The following NT5C1B variants were observed in gnomAD, a reference collection of about 807,000 sequenced individuals.
NT5C1B encodes 5'-nucleotidase, cytosolic IB.
In NT5C1B, 44 loss-of-function variants were observed where a neutral mutation model predicts 57.8. The ratio of observed to expected loss-of-function variants is 0.76; its 90% CI spans 0.60 to 0.98. NT5C1B has a LOEUF of 0.98. Ranked by LOEUF, NT5C1B falls within the 50% of genes least tolerant of loss-of-function variation. The probability of loss-of-function intolerance (pLI) is 0.00; values close to 1 mark genes in which losing one functional copy is unlikely to be tolerated. For missense variants in NT5C1B, 742 were observed against 719.5 expected, an observed-to-expected ratio of 1.03 and a Z score of -0.36; for synonymous variants, 284 against 282.6, an observed-to-expected ratio of 1.00 and a Z score of -0.05.
chr2:18,572,766 T>TAAAG (rs1308940078), intron 8 of NT5C1B, among the ~76,000 whole-genome samples: 1 of 151,970 alleles, frequency 6.6e-6, no homozygotes, highest in East Asian at 1.9e-4. Flanking sequence ...TAAAATTGCT[T>TAAAG]AAAGAAAGAA....
At chr2:18,586,557 A>G in intron 2 of NT5C1B, 166 bp from the exon 3 acceptor site, 2 of 1,082,206 alleles carry the variant, frequency 1.8e-6, no homozygotes, top group South Asian at 3.6e-5. Context: ...TACTATTCTA[A>G]CTCTGGTCTA....
exon 8 of NT5C1B, chr2:18,576,322 G>A (rs1558377072): frequency 6.2e-7 from 1 of 1,613,646 alleles, no homozygotes; most frequent in Non-Finnish European, 8.5e-7. Flanking sequence ...GAGTGTCACA[G>A]TAAGCCATGT....
At chr2:18,571,041 A>C (rs1055119788) in intron 8 of NT5C1B, among the ~76,000 whole-genome samples, 1 of 152,308 alleles carries the variant, frequency 6.6e-6, no homozygotes, top group African/African-American at 2.4e-5. Context: ...AGCTCCCTCA[A>C]CCTGACAAAA....
intron 8 of NT5C1B, among the ~76,000 whole-genome samples, chr2:18,575,126 A>G (rs1394656908): frequency 6.6e-6 from 1 of 152,040 alleles, no homozygotes. Context: ...GTTTTTGTTT[A>G]AGTGTTCTTT....
chr2:18,576,369 C>G lies in NT5C1B; in HGVS notation c.1145-1G>C. The G allele has an allele frequency of 1.2e-6, 2 of 1,610,746 alleles. No homozygotes were observed. The highest frequency in any genetic ancestry group is 2.2e-5 in the East Asian group (1 of 44,836). ...TCAAACATTGTCGCAGAGGCAATAC[C>G]TGATAGATCATGGAGACTGATTAAT... On this transcript the variant is annotated splice_acceptor_variant, in intron 7 of 8. Transcript: ENST00000304081. LOFTEE classifies it high-confidence loss of function.
At chr2:18,570,785 T>G (rs947585737) in intron 8 of NT5C1B, among the ~76,000 whole-genome samples, 1 of 152,100 alleles carries the variant, frequency 6.6e-6, no homozygotes, top group Non-Finnish European at 1.5e-5. Flanking sequence ...AATGAATAAA[T>G]AATACAAAAT....
rs752681908 is a variant in NT5C1B, at chr2:18,584,627, G to T, written c.610C>A (p.Leu204Met). The T allele has an allele frequency of 2.5e-6, 4 of 1,613,080 alleles. No homozygotes were observed. In the South Asian group the frequency reaches 4.4e-5, roughly 18 times the overall value. Residue 204 changes from leucine (L) to methionine (M), a missense_variant, in exon 4 of 9, where the codon CTG becomes ATG. Physicochemically the swap from Leu to Met is conservative, Grantham distance 15. Transcript: ENST00000304081. This position sits in a 1 kb window ranked among gnomAD's most constrained non-coding sequence, Gnocchi z 5.8. ...CGCTGCTGCTGCTGCTGCTCGGACA[G>T]AGAGTTGCGGTCCAGCTGGGTGGAG...
chr2:18,582,142 T>G (rs1490515161), intron 6 of NT5C1B, among the ~76,000 whole-genome samples: 1 of 152,208 alleles, frequency 6.6e-6, no homozygotes. Flanking sequence ...ACTGCACTTT[T>G]AAAAGGCAAA....
intron 5 of NT5C1B, 114 bp downstream of exon 5, chr2:18,583,974 T>C (rs1666421131): frequency 1.3e-6 from 2 of 1,586,536 alleles, no homozygotes; most frequent in Non-Finnish European, 1.7e-6. Flanking sequence ...GAGACAAGAA[T>C]GACAAGGGTG....
intron 8 of NT5C1B, among the ~76,000 whole-genome samples, chr2:18,572,617 T>G (rs1208364720): frequency 6.6e-6 from 1 of 151,902 alleles, no homozygotes; most frequent in Non-Finnish European, 1.5e-5. Context: ...AAAAACCCAA[T>G]AAAATAAGGA....
chr2:18,584,914 G>T lies in NT5C1B; in HGVS notation c.323C>A (p.Pro108Gln). The stretch of plus-strand genomic sequence containing the variant: ...CGAGGGCTGCCCGGACAGCGGCGGC[G>T]GTGAGGAGTCATGCAGGCTTGGGGA... The change falls in exon 4 of 9, where the codon CCG (proline) becomes CAG (glutamine). Residue 108 changes from proline to glutamine, a missense_variant. Coordinates refer to ENST00000304081, the Ensembl canonical transcript of NT5C1B. This position sits in a 1 kb window ranked among gnomAD's most constrained non-coding sequence, Gnocchi z 5.8. 6.4e-7 allele frequency: 1 copy of T among 1,551,260 alleles called. No individual in the cohort carries two copies. The highest frequency in any genetic ancestry group is 8.7e-7 in the Non-Finnish European group (1 of 1,155,246).
chr2:18,567,237 C>G (rs1389295166), intron 8 of NT5C1B, among the ~76,000 whole-genome samples: 3 of 152,178 alleles, frequency 2.0e-5, no homozygotes, highest in Non-Finnish European at 4.4e-5. Context: ...GACTAAAACT[C>G]CCCCTAGTTG....
At chr2:18,587,191 A>C in intron 2 of NT5C1B, 1 of 1,607,202 alleles carries the variant, frequency 6.2e-7, no homozygotes, top group Non-Finnish European at 8.5e-7. Flanking sequence ...ATTGTGCAGA[A>C]AGTGGTCAAT....
Position 18,573,445 on chromosome 2 carries a change from TACAC to T in NT5C1B, c.1329+2735_1329+2738del, listed in dbSNP as rs112972669. 9.3e-5 allele frequency among the ~76,000 whole-genome samples: 14 copies of T among 150,416 alleles called. No homozygotes were observed. In the East Asian group the frequency reaches 9.7e-4, roughly 10 times the overall value. On this transcript the variant is annotated intron_variant, in intron 8 of 8. Coordinates refer to ENST00000304081, the Ensembl canonical transcript of NT5C1B. ...TATAAATATACCTCAAAAATTCTGA[TACAC>T]ACACACACACACACAAACATACACA...
At position 18,584,035 on chromosome 2, in the gene NT5C1B, T is replaced by G; in HGVS notation, c.891+53A>C. The G allele has an allele frequency of 6.2e-7, 1 of 1,613,838 alleles. No homozygotes were observed. The highest frequency in any genetic ancestry group is 1.1e-5 in the South Asian group (1 of 91,060). Reference sequence around the variant, plus strand: ...ATGCCCTCCCAAGGGTTGGCCTGGGTCCCTCCCTCGCCATCGAGTGTCCTG... The same window carrying G: ...ATGCCCTCCCAAGGGTTGGCCTGGGGCCCTCCCTCGCCATCGAGTGTCCTG... On this transcript the variant is annotated intron_variant, in intron 5 of 8. Coordinates refer to ENST00000304081, the Ensembl canonical transcript of NT5C1B. This position sits in a 1 kb window ranked among gnomAD's most constrained non-coding sequence, Gnocchi z 5.8.
intron 6 of NT5C1B, 126 bp from the exon 7 acceptor site, chr2:18,577,021 C>A (rs116178355): frequency 6.7e-7 from 1 of 1,488,772 alleles, no homozygotes; most frequent in Non-Finnish European, 9.0e-7. Flanking sequence ...ATTTGTGAAC[C>A]TAAAGGAAAG....
chr2:18,587,390 A>C, intron 2 of NT5C1B, 113 bp downstream of exon 2: 1 of 1,536,898 alleles, frequency 6.5e-7, no homozygotes, highest in Non-Finnish European at 8.7e-7. Flanking sequence ...GGGACGCCTT[A>C]ATACAATTCT....
Position 18,584,223 on chromosome 2 carries a change from G to T in NT5C1B, c.756C>A (p.Leu252=). The T allele has an allele frequency of 6.2e-7, 1 of 1,614,138 alleles. No individual in the cohort carries two copies. The highest frequency in any genetic ancestry group is 1.1e-5 in the South Asian group (1 of 91,068). ...CCATGTTGAAGAGCGCGCAGGATGA[G>T]AGAGCAATGGTGATGGCGTTCTTGG... Residue 252 remains leucine (L), a synonymous_variant, in exon 5 of 9, where the codon CTC becomes CTA. Coordinates refer to ENST00000304081, the Ensembl canonical transcript of NT5C1B. This position sits in a 1 kb window ranked among gnomAD's most constrained non-coding sequence, Gnocchi z 5.8.
intron 8 of NT5C1B, among the ~76,000 whole-genome samples, chr2:18,567,905 T>C (rs1156527427): frequency 6.6e-6 from 1 of 151,966 alleles, no homozygotes; most frequent in Non-Finnish European, 1.5e-5. Flanking sequence ...GGCAAAGAGA[T>C]TGAAATGAAA....
Sources: allele counts gnomAD v4.1 joint callset (sites outside exome capture counted in the v4.1 genomes callset), GRCh38; gene constraint gnomAD v4.1.1; non-coding constraint Gnocchi (gnomAD v3.1); transcripts MANE v1.5; gene names NCBI Gene and HGNC (gene_info 2026-07-23, HGNC 2026-07-21).